The following CHSY1 variants were observed in gnomAD, a reference collection of about 807,000 sequenced individuals.
The protein encoded by CHSY1 is chondroitin sulfate synthase 1.
In CHSY1, 13 loss-of-function variants were observed where a neutral mutation model predicts 59.8. That is an observed-to-expected ratio of 0.22 (90% CI 0.14 to 0.35). CHSY1 has a LOEUF of 0.35. CHSY1 is among the 10% of genes least tolerant of loss of function. The pLI, the probability that CHSY1 is intolerant of heterozygous loss-of-function variation, is 1.00. For missense variants in CHSY1, 947 were observed against 1,030.6 expected (o/e 0.92, Z 1.11); for synonymous variants, 459 against 401.2 (o/e 1.14, Z -1.72).
chr15:101,181,187 G>A (rs987658159), intron 2 of CHSY1, among the ~76,000 whole-genome samples: 3 of 152,088 alleles, frequency 2.0e-5, no homozygotes, highest in African/African-American at 7.2e-5. Context: ...ACCGCTGACT[G>A]CACCTGAGGA....
chr15:101,198,827 TG>T (rs1490693307), intron 2 of CHSY1, among the ~76,000 whole-genome samples: 1 of 152,174 alleles, frequency 6.6e-6, no homozygotes, highest in Non-Finnish European at 1.5e-5. Context: ...TGCATTACAG[TG>T]GCTAAGCTGA....
At chr15:101,220,987 G>C (rs556356909) in intron 2 of CHSY1, among the ~76,000 whole-genome samples, 3 of 151,890 alleles carry the variant, frequency 2.0e-5, no homozygotes, top group Non-Finnish European at 4.4e-5. Flanking sequence ...GAGCAGCCCT[G>C]TCCCTCCATC....
chr15:101,201,703 G>A (rs922714993), intron 2 of CHSY1, among the ~76,000 whole-genome samples: 2 of 152,218 alleles, frequency 1.3e-5, no homozygotes, highest in East Asian at 1.9e-4. Context: ...ACAGACAGGC[G>A]TTCCCTGGCA....
chr15:101,241,195 A>G lies in CHSY1; in HGVS notation c.321-5618T>C, dbSNP rs564457398. Among the ~76,000 whole-genome samples the G allele has an allele frequency of 9.9e-5, 15 of 152,236 alleles. No homozygotes were observed. In the East Asian group the frequency reaches 2.7e-3, roughly 27 times the overall value. ...AACCTCCGTCTCCCAGGTTCAAACG[A>G]TTCTCCTGCCTCAGCCTCCCGAGTA... is the stretch of plus-strand genomic sequence containing the variant. On this transcript the variant is annotated intron_variant, in intron 1 of 2. Transcript: ENST00000254190.
At position 101,176,566 on chromosome 15, in the gene CHSY1, T is replaced by A. The variant is rs1385161282; in HGVS notation, c.*822A>T. On this transcript the variant is annotated 3_prime_UTR_variant, in exon 3 of 3. Coordinates refer to ENST00000254190, the MANE Select transcript of CHSY1 (RefSeq NM_014918.5). The stretch of plus-strand genomic sequence containing the variant: ...CAGCCACATACCTCACTGTGCCTTC[T>A]TCACGCCCCTTGCTTTAAAACCTAC... 7.6e-6 allele frequency: 3 copies of A among 395,898 alleles called. No homozygotes were observed. The highest frequency in any genetic ancestry group is 4.4e-5 in the Admixed American group (1 of 22,642). 24.5% of individuals were successfully genotyped at this position (395,898 alleles called of 1,614,324 possible).
chr15:101,181,410 T>C (rs940648353), intron 2 of CHSY1, among the ~76,000 whole-genome samples: 11 of 152,236 alleles, frequency 7.2e-5, no homozygotes, highest in Non-Finnish European at 1.3e-4. Flanking sequence ...CGAAGAACCA[T>C]AATATCGTTT....
Position 101,200,250 on chromosome 15 carries a change from C to T in CHSY1, c.817-21270G>A, listed in dbSNP as rs189537408. ...TGATTTTCATTTTAAAGAGTATCCA[C>T]GTAAAAAATAAGAGACGCCTTTACG... On this transcript the variant is annotated intron_variant, in intron 2 of 2. Transcript: ENST00000254190. Among the ~76,000 whole-genome samples the T allele has an allele frequency of 4.9e-3, 748 of 152,198 alleles. 5 individuals are homozygous for T. The highest frequency in any genetic ancestry group is 8.3e-3 in the Non-Finnish European group (565 of 68,014).
At chr15:101,241,513 T>C (rs2039001131) in intron 1 of CHSY1, among the ~76,000 whole-genome samples, 1 of 152,222 alleles carries the variant, frequency 6.6e-6, no homozygotes, top group Non-Finnish European at 1.5e-5. Flanking sequence ...AATCAAAACA[T>C]GTAACAACAG....
intron 2 of CHSY1, among the ~76,000 whole-genome samples, chr15:101,191,493 G>A (rs934729647): frequency 6.6e-5 from 10 of 152,126 alleles, no homozygotes; most frequent in African/African-American, 2.4e-4. Context: ...CATATATGAG[G>A]GTATCTGTCA....
chr15:101,215,713 C>T (rs974151326), intron 2 of CHSY1, among the ~76,000 whole-genome samples: 4 of 152,198 alleles, frequency 2.6e-5, no homozygotes, highest in African/African-American at 9.7e-5. Flanking sequence ...CCAGCCTGGG[C>T]AACAAATCGA....
At chr15:101,197,742 G>A (rs1432779928) in intron 2 of CHSY1, among the ~76,000 whole-genome samples, 1 of 152,178 alleles carries the variant, frequency 6.6e-6, no homozygotes, top group Non-Finnish European at 1.5e-5. Flanking sequence ...AAGAAGCCAG[G>A]ATTCTTACGA....
At chr15:101,238,966 C>G (rs2038974638) in intron 1 of CHSY1, among the ~76,000 whole-genome samples, 1 of 152,186 alleles carries the variant, frequency 6.6e-6, no homozygotes, top group Non-Finnish European at 1.5e-5. Flanking sequence ...ACAAGCTATA[C>G]AGAGTCTTCT....
Position 101,176,556 on chromosome 15 carries a change from C to T in CHSY1, c.*832G>A, listed in dbSNP as rs1008974810. The T allele has an allele frequency of 7.6e-6, 3 of 396,568 alleles. No homozygotes were observed. Among genetic ancestry groups the T allele is most frequent in the Non-Finnish European group, 1.3e-5 (3 of 225,350 alleles). 24.6% of individuals were successfully genotyped at this position (396,568 alleles called of 1,614,324 possible). A position where few individuals can be genotyped will look rare whatever the true frequency, so the allele number is the denominator to read the frequency against. On this transcript the variant is annotated 3_prime_UTR_variant, in exon 3 of 3. Coordinates refer to ENST00000254190, the MANE Select transcript of CHSY1 (RefSeq NM_014918.5). ...ACCACGAGAACAGCCACATACCTCA[C>T]TGTGCCTTCTTCACGCCCCTTGCTT...
chr15:101,197,872 G>T (rs1443241621), intron 2 of CHSY1, among the ~76,000 whole-genome samples: 1 of 152,156 alleles, frequency 6.6e-6, no homozygotes, highest in Non-Finnish European at 1.5e-5. Context: ...TATACGCTAA[G>T]AATTCCGCGA....
intron 2 of CHSY1, among the ~76,000 whole-genome samples, chr15:101,229,486 A>G (rs1006906433): frequency 2.6e-5 from 4 of 152,248 alleles, no homozygotes; most frequent in African/African-American, 9.6e-5. Flanking sequence ...TTATAATGAT[A>G]AAAGTGTCTA....
At chr15:101,185,776 A>G (rs1250580865) in intron 2 of CHSY1, among the ~76,000 whole-genome samples, 1 of 129,446 alleles carries the variant, frequency 7.7e-6, no homozygotes, top group Non-Finnish European at 1.6e-5. Flanking sequence ...CCTACTTCCT[A>G]CCTTTCATTT....
intron 2 of CHSY1, among the ~76,000 whole-genome samples, chr15:101,193,776 G>C (rs1281918519): frequency 6.6e-6 from 1 of 152,226 alleles, no homozygotes; most frequent in African/African-American, 2.4e-5. Flanking sequence ...CACCGAGGAA[G>C]ACACGCTGGG....
chr15:101,230,219 C>T (rs768177839), intron 2 of CHSY1, among the ~76,000 whole-genome samples: 47 of 152,104 alleles, frequency 3.1e-4, no homozygotes, highest in Non-Finnish European at 6.0e-4. Context: ...TGAGCCGCCA[C>T]GCCCGGCCCT....
At chr15:101,189,373 T>A in intron 2 of CHSY1, 1 of 880,188 alleles carries the variant, frequency 1.1e-6, no homozygotes, top group South Asian at 5.3e-5. Flanking sequence ...AGCTCTAGTC[T>A]AGGGGACTGC....
Sources: allele counts gnomAD v4.1 joint callset (sites outside exome capture counted in the v4.1 genomes callset), GRCh38; gene constraint gnomAD v4.1.1; transcripts MANE v1.5; gene names NCBI Gene and HGNC (gene_info 2026-07-23, HGNC 2026-07-21).